SSH2: variants seen among roughly 807,000 people sequenced by gnomAD.
SSH2 encodes slingshot protein phosphatase 2.
A neutral mutation model predicts 135.2 loss-of-function variants in SSH2; 37 were observed. The observed-to-expected ratio is 0.27, with a 90% confidence interval of 0.21 to 0.36. The LOEUF (loss-of-function observed/expected upper bound fraction) is 0.36, where lower values mean the gene tolerates loss of function less well. SSH2 is among the 10% of genes least tolerant of loss of function. SSH2 has a pLI of 1.00. For synonymous variants in SSH2, 628 were observed against 646.2 expected, an observed-to-expected ratio of 0.97 and a Z score of 0.43; for missense variants, 1,408 against 1,765.3, an observed-to-expected ratio of 0.80 and a Z score of 3.63.
At chr17:29,705,823 A>G (rs963578784) in intron 3 of SSH2, among the ~76,000 whole-genome samples, 9 of 152,226 alleles carry the variant, frequency 5.9e-5, no homozygotes, top group African/African-American at 1.9e-4. Context: ...CTCAGCTTAC[A>G]TATCACTGCT....
chr17:29,657,271 T>C (rs2036821735), intron 11 of SSH2, among the ~76,000 whole-genome samples: 1 of 150,650 alleles, frequency 6.6e-6, no homozygotes, highest in Non-Finnish European at 1.5e-5. Context: ...CCAGCCTACT[T>C]TCTTTTTTCT....
At chr17:29,734,892 T>A (rs1251895304) in intron 3 of SSH2, among the ~76,000 whole-genome samples, 1 of 152,154 alleles carries the variant, frequency 6.6e-6, no homozygotes, top group Non-Finnish European at 1.5e-5. Context: ...TCTTTCAGCT[T>A]GGGGAAATCA....
chr17:29,689,393 T>C (rs922615908), intron 5 of SSH2, among the ~76,000 whole-genome samples: 23 of 152,234 alleles, frequency 1.5e-4, no homozygotes, highest in Admixed American at 3.9e-4. Context: ...GCATTTCCAA[T>C]GTTTCTTCAG....
intron 3 of SSH2, among the ~76,000 whole-genome samples, chr17:29,768,206 T>C (rs1037654822): frequency 6.6e-6 from 1 of 152,080 alleles, no homozygotes; most frequent in African/African-American, 2.4e-5. Context: ...AGTAGAAAAT[T>C]TATAAAGAAA....
At chr17:29,844,897 C>T (rs749377530) in intron 2 of SSH2, among the ~76,000 whole-genome samples, 1 of 152,222 alleles carries the variant, frequency 6.6e-6, no homozygotes, top group Non-Finnish European at 1.5e-5. Context: ...TTTATTTCCA[C>T]TTATCCAGAT....
chr17:29,664,288 G>A (rs764198395), intron 11 of SSH2, among the ~76,000 whole-genome samples: 8 of 151,632 alleles, frequency 5.3e-5, no homozygotes, highest in Non-Finnish European at 8.8e-5. Context: ...CAGGTGAATC[G>A]TGTGAACCTG....
intron 2 of SSH2, among the ~76,000 whole-genome samples, chr17:29,815,280 C>T (rs1045603137): frequency 6.6e-6 from 1 of 151,924 alleles, no homozygotes; most frequent in Non-Finnish European, 1.5e-5. Context: ...CAGGCCACCA[C>T]ACCCAGCTAA....
At chr17:29,758,082 AAG>A (rs748059784) in intron 3 of SSH2, among the ~76,000 whole-genome samples, 6 of 152,154 alleles carry the variant, frequency 3.9e-5, no homozygotes, top group Non-Finnish European at 2.9e-5. Context: ...ACAAAGAAAA[AAG>A]AAGTGGGAAA....
At chr17:29,735,241 C>A (rs754570702) in intron 3 of SSH2, among the ~76,000 whole-genome samples, 2 of 152,164 alleles carry the variant, frequency 1.3e-5, no homozygotes, top group Non-Finnish European at 2.9e-5. Flanking sequence ...AATTCATAGC[C>A]TCCCCACTAC....
chr17:29,721,626 C>CT (rs745736484), intron 3 of SSH2, among the ~76,000 whole-genome samples: 1 of 152,124 alleles, frequency 6.6e-6, no homozygotes, highest in Non-Finnish European at 1.5e-5. Context: ...CTTCAAATGT[C>CT]TAAGTATTGG....
chr17:29,676,399 GCA>G (rs2037721101), intron 8 of SSH2: 3 of 157,970 alleles, frequency 1.9e-5, no homozygotes, highest in Non-Finnish European at 4.1e-5. Context: ...TCGCGCCACT[GCA>G]CTCCAGCCTG....
chr17:29,825,271 A>T (rs1338999402), intron 2 of SSH2, among the ~76,000 whole-genome samples: 4 of 152,236 alleles, frequency 2.6e-5, no homozygotes, highest in Admixed American at 6.5e-5. Flanking sequence ...AAATTAAAGT[A>T]CCCAAAGGTT....
intron 1 of SSH2, among the ~76,000 whole-genome samples, chr17:29,877,373 T>G (rs2066053312): frequency 6.6e-6 from 1 of 152,182 alleles, no homozygotes; most frequent in South Asian, 2.1e-4. Flanking sequence ...CACTGCTCAG[T>G]ATATACCCCA....
rs998518052 is a variant in SSH2 at position 29,805,281 on chromosome 17, G to A, written c.145-11344C>T. 4.6e-5 allele frequency among the ~76,000 whole-genome samples: 7 copies of A among 151,874 alleles called. No individual in the cohort carries two copies. The East Asian group carries it at 7.7e-4, about 17-fold the overall frequency. ...CGCCATTCTCCTGCCTCAGCCTCCC[G>A]AGTATTTGGGACAACAGGTGCCACC... On this transcript the variant is annotated intron_variant, in intron 2 of 15. Transcript: ENST00000540801.
intron 3 of SSH2, among the ~76,000 whole-genome samples, chr17:29,704,676 T>G (rs1598842565): frequency 1.5e-5 from 2 of 131,658 alleles, no homozygotes; most frequent in Admixed American, 8.8e-5. Flanking sequence ...GTACTCCAGC[T>G]GGGGCGACAG....
chr17:29,910,217 G>A (rs978468427), intron 1 of SSH2, among the ~76,000 whole-genome samples: 3 of 152,050 alleles, frequency 2.0e-5, no homozygotes, highest in African/African-American at 4.8e-5. Flanking sequence ...CTAAAGTGCT[G>A]GGATTACAGG....
intron 5 of SSH2, among the ~76,000 whole-genome samples, chr17:29,689,826 C>T (rs1325962715): frequency 6.6e-6 from 1 of 151,846 alleles, no homozygotes; most frequent in African/African-American, 2.4e-5. Context: ...GCCAGCTACT[C>T]GGGAGGCTGC....
At chr17:29,929,876 G>T (rs998064955) in intron 1 of SSH2, 62 bp downstream of exon 1, 8 of 1,481,506 alleles carry the variant, frequency 5.4e-6, no homozygotes, top group Non-Finnish European at 6.4e-6. Flanking sequence ...GGCGGGACCC[G>T]CTGAGGCAAA....
At chr17:29,689,472 C>T (rs1189493715) in intron 5 of SSH2, among the ~76,000 whole-genome samples, 1 of 152,162 alleles carries the variant, frequency 6.6e-6, no homozygotes, top group Admixed American at 6.5e-5. Flanking sequence ...GATTTATCAA[C>T]TAAAGTTCTC....
Sources: allele counts gnomAD v4.1 joint callset (sites outside exome capture counted in the v4.1 genomes callset), GRCh38; gene constraint gnomAD v4.1.1; transcripts MANE v1.5; gene names NCBI Gene and HGNC (gene_info 2026-07-23, HGNC 2026-07-21).